The following TXNDC9 variants were observed in gnomAD, a reference collection of about 807,000 sequenced individuals.
TXNDC9 encodes thioredoxin domain-containing protein 9.
TXNDC9 carries 7 observed loss-of-function variants against 23.0 expected under a neutral mutation model. The observed-to-expected ratio is 0.30, with a 90% CI of 0.17 to 0.57. The LOEUF is 0.57. Ranked by LOEUF, TXNDC9 falls within the 20% of genes least tolerant of loss-of-function variation. TXNDC9 has a pLI of 0.90. For missense variants in TXNDC9, 198 were observed against 252.6 expected (o/e 0.78, Z 1.47); for synonymous variants, 72 against 90.6 (o/e 0.79, Z 1.17).
At position 99,322,209 on chromosome 2, in the gene TXNDC9, C is replaced by A. The variant is rs201081009; in HGVS notation, c.309G>T (p.Arg103Ser). Residue 103 changes from arginine to serine, a missense_variant and splice_region_variant, in exon 4 of 5, where the codon AGG (arginine) becomes AGT (serine). Coordinates refer to ENST00000264255, the MANE Select transcript of TXNDC9 (RefSeq NM_005783.4). ...VCHFYRDSTF[R>S]CKILDRHLAI... ...CCAGATGTCTGTCTAGTATTTTACA[C>A]CTGTAAGTGACCACACATAGAAAAT... is the stretch of plus-strand genomic sequence containing the variant. The A allele has an allele frequency of 1.1e-4, 178 of 1,608,174 alleles. No individual in the cohort carries two copies. Among genetic ancestry groups the A allele is most frequent in the Non-Finnish European group, 1.4e-4 (170 of 1,176,230 alleles).
the TXNDC9 span, among the ~76,000 whole-genome samples, chr2:99,309,194 G>A: frequency 1.4e-4 from 21 of 148,534 alleles, no homozygotes; most frequent in Admixed American, 2.7e-4. Context: ...CCCGCATGAC[G>A]AAACCCCGTC....
Position 99,325,417 on chromosome 2 carries a change from G to A in TXNDC9, c.308+2118C>T, listed in dbSNP as rs568376439. On this transcript the variant is annotated intron_variant, in intron 3 of 4. Transcript: ENST00000264255. ...ACATGAAATACAGGAATAATAATAA[G>A]TGCCTCTGAAGATTATTGTGAATGT... Among the ~76,000 whole-genome samples, 55 of 152,186 alleles carry A rather than the reference G, an allele frequency of 3.6e-4. 1 individual carries two copies. The highest frequency in any genetic ancestry group is 3.4e-3 in the Middle Eastern group (1 of 294).
chr2:99,320,283 T>C (rs1422866725), intron 4 of TXNDC9, among the ~76,000 whole-genome samples: 4 of 152,210 alleles, frequency 2.6e-5, no homozygotes, highest in Non-Finnish European at 2.9e-5. Flanking sequence ...GCTGGGATTA[T>C]AGGTATGAGC....
At position 99,319,514 on chromosome 2, in the gene TXNDC9, G is replaced by T; in HGVS notation, c.*168C>A. ...ACTGAGTTTTCCTCAACTTAAACAT[G>T]ATGGCCACACAGAAAACAGTAAAGA... On this transcript the variant is annotated 3_prime_UTR_variant, in exon 5 of 5. Transcript: ENST00000264255. The T allele has an allele frequency of 1.9e-6, 1 of 516,122 alleles. No homozygotes were observed. Among genetic ancestry groups the T allele is most frequent in the Non-Finnish European group, 3.4e-6 (1 of 295,444 alleles). 32.0% of individuals were successfully genotyped at this position (516,122 alleles called of 1,614,324 possible).
At chr2:99,309,583 C>T in the TXNDC9 span, among the ~76,000 whole-genome samples, 1 of 151,870 alleles carries the variant, frequency 6.6e-6, no homozygotes, top group Non-Finnish European at 1.5e-5. Context: ...CCTGTAATCC[C>T]AGCACTTTGG....
chr2:99,307,030 C>CCTTCCTTT, the TXNDC9 span, among the ~76,000 whole-genome samples: 4 of 59,820 alleles, frequency 6.7e-5, no homozygotes, highest in Non-Finnish European at 7.3e-5. Context: ...TTCCTTCCTT[C>CCTTCCTTT]TTCCTTTTCT....
the TXNDC9 span, among the ~76,000 whole-genome samples, chr2:99,306,316 C>A: frequency 3.9e-5 from 6 of 152,138 alleles, no homozygotes; most frequent in Non-Finnish European, 8.8e-5. Context: ...CAAGTGTGAA[C>A]GTTTTCTTGA....
At chr2:99,333,548 AGT>A (rs1341431487) in intron 1 of TXNDC9, among the ~76,000 whole-genome samples, 1 of 152,236 alleles carries the variant, frequency 6.6e-6, no homozygotes, top group African/African-American at 2.4e-5. Flanking sequence ...CAGAGAAATG[AGT>A]TGTGAAGTTA....
At chr2:99,312,749 T>C in the TXNDC9 span, among the ~76,000 whole-genome samples, 1 of 152,228 alleles carries the variant, frequency 6.6e-6, no homozygotes, top group Non-Finnish European at 1.5e-5. Flanking sequence ...AGAAGTTATC[T>C]GTGGAGATGA....
At chr2:99,326,040 C>A (rs866115357) in intron 3 of TXNDC9, among the ~76,000 whole-genome samples, 4 of 150,676 alleles carry the variant, frequency 2.7e-5, no homozygotes, top group African/African-American at 7.3e-5. Flanking sequence ...AAAAAAAAAA[C>A]AAGTGGACAA....
chr2:99,323,530 G>A lies in TXNDC9; in HGVS notation c.309-1321C>T, dbSNP rs558241128. Among the ~76,000 whole-genome samples the A allele has an allele frequency of 2.2e-4, 33 of 152,282 alleles. No homozygotes were observed. In the South Asian group the frequency reaches 6.8e-3, roughly 32 times the overall value. ...GCGGGCAGATCACTTGAGGCCAAGA[G>A]TTCAAGACCAGCCTGGTCAATATGG... On this transcript the variant is annotated intron_variant, in intron 3 of 4. Transcript: ENST00000264255.
chr2:99,333,188 T>C lies in TXNDC9; in HGVS notation c.23A>G (p.Asp8Gly). Residue 8 changes from aspartate to glycine, a missense_variant, in exon 2 of 5, where the codon GAC becomes GGC. Coordinates refer to ENST00000264255, the MANE Select transcript of TXNDC9 (RefSeq NM_005783.4). MEADASV[D>G]MFSKVLEHQL... Reference sequence around the variant, plus strand: ...ATGCTCCAGGACTTTGGAAAACATGTCAACAGATGCATCAGCTTCCATTCT... The same window carrying C: ...ATGCTCCAGGACTTTGGAAAACATGCCAACAGATGCATCAGCTTCCATTCT... 1.2e-6 allele frequency: 2 copies of C among 1,614,146 alleles called. No homozygotes were observed. Among genetic ancestry groups the C allele is most frequent in the Non-Finnish European group, 8.5e-7 (1 of 1,179,988 alleles).
At chr2:99,326,599 A>G (rs1005870449) in intron 3 of TXNDC9, among the ~76,000 whole-genome samples, 2 of 152,254 alleles carry the variant, frequency 1.3e-5, no homozygotes, top group Admixed American at 6.5e-5. Context: ...AAAAACCACA[A>G]AGGCTTGGGT....
intron 3 of TXNDC9, among the ~76,000 whole-genome samples, chr2:99,325,201 A>T (rs2105322074): frequency 6.6e-6 from 1 of 152,372 alleles, no homozygotes; most frequent in Admixed American, 6.5e-5. Context: ...CCCTGATGTG[A>T]TTATTAAACA....
rs531382731 is a variant in TXNDC9 at position 99,334,856 on chromosome 2, C to T, written c.-33+1383G>A. Among the ~76,000 whole-genome samples the T allele has an allele frequency of 1.1e-3, 166 of 152,268 alleles. 1 individual carries two copies. Among genetic ancestry groups the T allele is most frequent in the Non-Finnish European group, 2.0e-3 (136 of 68,002 alleles). Reference sequence around the variant, plus strand: ...CCTCCCGAGTAGCCGGGACTACAGGCGCCCGCCACCACGCCCGGCTAATTT... The same window carrying T: ...CCTCCCGAGTAGCCGGGACTACAGGTGCCCGCCACCACGCCCGGCTAATTT... On this transcript the variant is annotated intron_variant, in intron 1 of 4. Transcript: ENST00000264255.
chr2:99,333,785 T>C (rs1247962697), intron 1 of TXNDC9, among the ~76,000 whole-genome samples: 1 of 152,214 alleles, frequency 6.6e-6, no homozygotes. Flanking sequence ...TTACCATTTA[T>C]GTAAAGAAGA....
downstream of TXNDC9, among the ~76,000 whole-genome samples, chr2:99,316,958 G>GCA: frequency 6.6e-6 from 1 of 152,102 alleles, no homozygotes; most frequent in East Asian, 1.9e-4. Context: ...GGGTTTCACG[G>GCA]TGTTAGCCAG....
At chr2:99,318,470 G>C (rs988829504), downstream of TXNDC9, among the ~76,000 whole-genome samples, 1 of 152,132 alleles carries the variant, frequency 6.6e-6, no homozygotes, top group African/African-American at 2.4e-5. Context: ...CACCGTGCCC[G>C]GCCCAGAGCT....
the TXNDC9 span, among the ~76,000 whole-genome samples, chr2:99,308,406 TATA>T: frequency 6.6e-6 from 1 of 152,260 alleles, no homozygotes; most frequent in African/African-American, 2.4e-5. Flanking sequence ...GTTGCTGCCC[TATA>T]TTTTTGCTCT....
Sources: allele counts gnomAD v4.1 joint callset (sites outside exome capture counted in the v4.1 genomes callset), GRCh38; gene constraint gnomAD v4.1.1; transcripts MANE v1.5; gene names NCBI Gene and HGNC (gene_info 2026-07-23, HGNC 2026-07-21).